The following SI variants were observed in gnomAD, a reference collection of about 807,000 sequenced individuals.
SI encodes sucrase-isomaltase, also known as sucrase-isomaltase, intestinal.
Under a neutral mutation model 253.3 loss-of-function variants are expected in SI, and 235 were observed. That is an observed-to-expected ratio of 0.93 (90% CI 0.83 to 1.03). The LOEUF (loss-of-function observed/expected upper bound fraction) is 1.03. SI is among the 50% of genes least tolerant of loss of function. The probability of loss-of-function intolerance (pLI) is 0.00; values close to 1 mark genes in which losing one functional copy is unlikely to be tolerated. For synonymous variants in SI, 819 were observed against 712.0 expected, an observed-to-expected ratio of 1.15 and a Z score of -2.39; for missense variants, 2,442 against 2,211.1, an observed-to-expected ratio of 1.10 and a Z score of -2.09.
chr3:164,992,202 T>C lies in SI; in HGVS notation c.4958A>G (p.Asn1653Ser), dbSNP rs370421935. 35 of 1,611,778 alleles carry C rather than the reference T, an allele frequency of 2.2e-5. No homozygotes were observed. The highest frequency in any genetic ancestry group is 2.0e-4 in the Middle Eastern group (1 of 4,998). Residue 1653 changes from asparagine to serine, a missense_variant, in exon 43 of 48, where the codon AAT (asparagine) becomes AGT (serine). Transcript: ENST00000264382. Reference protein sequence around the residue: ...YVQTVNAYVPNARWFDYHTGK... With the variant: ...YVQTVNAYVPSARWFDYHTGK... ...TGTATGGTAGTCAAACCACCGAGCA[T>C]TGGGGACGTAGGCATTTACAGTTTG...
At chr3:165,053,332 A>G (rs898713612) in intron 13 of SI, among the ~76,000 whole-genome samples, 6 of 152,166 alleles carry the variant, frequency 3.9e-5, no homozygotes, top group Admixed American at 6.6e-5. Context: ...AGTAAATTAT[A>G]AAACTATTTT....
rs936695072 is a variant in SI at position 165,016,020 on chromosome 3, C to T, written c.3820G>A (p.Ala1274Thr). The change falls in exon 32 of 48, where the codon GCA becomes ACA. Residue 1274 changes from alanine (A) to threonine (T), a missense_variant. Coordinates refer to ENST00000264382, the MANE Select transcript of SI (RefSeq NM_001041.4). ...ERQLDFTIGE[A>T]FQDLPQFVDK... The stretch of plus-strand genomic sequence containing the variant: ...ACAAACTGAGGAAGGTCCTGGAATG[C>T]TTCACCAATTGTAAAGTCTAGCTGC... 1 of 1,612,124 alleles carries T rather than the reference C, an allele frequency of 6.2e-7. No individual in the cohort carries two copies.
At chr3:165,061,074 A>G (rs1713963350) in intron 9 of SI, among the ~76,000 whole-genome samples, 1 of 151,670 alleles carries the variant, frequency 6.6e-6, no homozygotes, top group African/African-American at 2.4e-5. Flanking sequence ...TATACTCCTA[A>G]ACACCATATG....
chr3:165,020,345 A>G (rs534698191), intron 27 of SI, among the ~76,000 whole-genome samples: 84 of 151,900 alleles, frequency 5.5e-4, no homozygotes, highest in African/African-American at 1.9e-3. Context: ...ATTTGCAAGA[A>G]GAACATAAAG....
intron 10 of SI, 25 bp from the exon 11 acceptor site, chr3:165,059,324 A>G: frequency 6.2e-7 from 1 of 1,607,648 alleles, no homozygotes; most frequent in Non-Finnish European, 8.5e-7. Context: ...ATTGTATTTC[A>G]ATACATAGTA....
At chr3:164,992,641 A>G (rs1193716239) in intron 41 of SI, among the ~76,000 whole-genome samples, 1 of 151,970 alleles carries the variant, frequency 6.6e-6, no homozygotes, top group Non-Finnish European at 1.5e-5. Context: ...ATTCTGATGG[A>G]CATGTAACAT....
intron 26 of SI, 152 bp from the exon 27 acceptor site, chr3:165,021,535 T>C (rs1233829011): frequency 7.5e-6 from 5 of 669,800 alleles, no homozygotes; most frequent in African/African-American, 3.6e-5. Context: ...TATAACCATA[T>C]CAATATAGAA....
intron 15 of SI, among the ~76,000 whole-genome samples, chr3:165,047,760 G>A (rs1713198665): frequency 1.3e-5 from 2 of 151,938 alleles, no homozygotes; most frequent in African/African-American, 2.4e-5. Context: ...TTTTTGTAGT[G>A]TGATGACTCC....
rs567938949 is a variant in SI at position 164,984,599 on chromosome 3, C to G, written c.5198-1548G>C. ...GAAAGATCTCACATATGATCTTGGT[C>G]AAGGACACAAATATAACTATTTCAT... On this transcript the variant is annotated intron_variant, in intron 45 of 47. Coordinates refer to ENST00000264382, the MANE Select transcript of SI (RefSeq NM_001041.4). Among the ~76,000 whole-genome samples, 26 of 152,102 alleles carry G rather than the reference C, an allele frequency of 1.7e-4. No homozygotes were observed. The East Asian group carries it at 4.6e-3, about 27-fold the overall frequency.
chr3:165,076,091 CAT>C, intron 1 of SI, 79 bp from the exon 2 acceptor site: 1 of 1,086,032 alleles, frequency 9.2e-7, no homozygotes, highest in East Asian at 2.7e-5. Flanking sequence ...CATGAAATTA[CAT>C]ATTCTTTTTT....
intron 3 of SI, among the ~76,000 whole-genome samples, chr3:165,071,285 G>A (rs538308192): frequency 1.3e-5 from 2 of 151,858 alleles, no homozygotes; most frequent in South Asian, 4.1e-4. Flanking sequence ...TTTATCTTGC[G>A]AAGATTTTGA....
At chr3:164,986,977 T>C (rs1217932602) in intron 45 of SI, among the ~76,000 whole-genome samples, 161 bp downstream of exon 45, 1 of 152,246 alleles carries the variant, frequency 6.6e-6, no homozygotes, top group African/African-American at 2.4e-5. Context: ...GCGACATTGT[T>C]TATCTCTTTA....
Position 164,994,305 on chromosome 3 carries a change from T to A in SI, c.4793A>T (p.His1598Leu), listed in dbSNP as rs562705407. 252 of 1,611,306 alleles carry A rather than the reference T, an allele frequency of 1.6e-4. 4 individuals are homozygous for A. In the South Asian group the frequency reaches 2.6e-3, roughly 17 times the overall value. Residue 1598 changes from histidine (H) to leucine (L), a missense_variant, in exon 41 of 48, where the codon CAT becomes CTT. Coordinates refer to ENST00000264382, the MANE Select transcript of SI (RefSeq NM_001041.4). The stretch of plus-strand genomic sequence containing the variant: ...AGTGCCACCATTAGCATGAATTTCA[T>A]GCATTTGTGTGTAAAAATAGGGCAA... ...TLLPYFYTQM[H>L]EIHANGGTVI...
At chr3:165,003,186 C>T (rs1306160253) in intron 37 of SI, among the ~76,000 whole-genome samples, 3 of 151,790 alleles carry the variant, frequency 2.0e-5, no homozygotes, top group East Asian at 3.9e-4. Flanking sequence ...ATGTTTGACT[C>T]TGTAATGTGC....
chr3:165,039,216 G>T, intron 19 of SI, 82 bp from the exon 20 acceptor site: 2 of 950,162 alleles, frequency 2.1e-6, no homozygotes, highest in Non-Finnish European at 3.3e-6. Flanking sequence ...GGTTTTCATA[G>T]TCAAGGGAAA....
At chr3:164,988,867 A>T (rs1236799102) in intron 44 of SI, among the ~76,000 whole-genome samples, 1 of 152,114 alleles carries the variant, frequency 6.6e-6, no homozygotes, top group South Asian at 2.1e-4. Flanking sequence ...GAGAAACAGA[A>T]ATCCAGGTAG....
At chr3:165,025,392 A>G (rs1420993939) in intron 25 of SI, among the ~76,000 whole-genome samples, 1 of 151,150 alleles carries the variant, frequency 6.6e-6, no homozygotes, top group Non-Finnish European at 1.5e-5. Context: ...GTTCCTGAGG[A>G]AGAAGGGAAA....
intron 8 of SI, among the ~76,000 whole-genome samples, chr3:165,062,738 T>A (rs1283811373): frequency 6.6e-6 from 1 of 152,072 alleles, no homozygotes; most frequent in Non-Finnish European, 1.5e-5. Flanking sequence ...GGATATTGTG[T>A]TGCAAAGGGT....
intron 6 of SI, among the ~76,000 whole-genome samples, chr3:165,065,633 T>A (rs542929809): frequency 2.7e-5 from 4 of 150,932 alleles, no homozygotes; most frequent in African/African-American, 7.3e-5. Flanking sequence ...ATCAACACAA[T>A]TTTTGCCAAT....
Sources: allele counts gnomAD v4.1 joint callset (sites outside exome capture counted in the v4.1 genomes callset), GRCh38; gene constraint gnomAD v4.1.1; transcripts MANE v1.5; gene names NCBI Gene and HGNC (gene_info 2026-07-23, HGNC 2026-07-21).